The following DNAH12 variants were observed in gnomAD, a reference collection of about 807,000 sequenced individuals.
DNAH12 encodes dynein axonemal heavy chain 12, also known as axonemal beta dynein heavy chain 12.
Under a neutral mutation model 371.5 loss-of-function variants are expected in DNAH12, and 285 were observed. The observed-to-expected ratio is 0.77, with a 90% CI of 0.70 to 0.85. The LOEUF (loss-of-function observed/expected upper bound fraction) is 0.85, where lower values mean the gene tolerates loss of function less well. Ranked by LOEUF, DNAH12 falls within the 40% of genes least tolerant of loss-of-function variation. The probability of loss-of-function intolerance (pLI) is 0.00; values close to 1 mark genes in which losing one functional copy is unlikely to be tolerated. For missense variants in DNAH12, 3,611 were observed against 3,689.4 expected (o/e 0.98, Z 0.55); for synonymous variants, 1,200 against 1,213.0 (o/e 0.99, Z 0.22).
At chr3:57,325,329 G>C (rs1332888080) in intron 62 of DNAH12, among the ~76,000 whole-genome samples, 2 of 152,206 alleles carry the variant, frequency 1.3e-5, no homozygotes, top group African/African-American at 4.8e-5. Context: ...CCCCAAGTAG[G>C]GGCAAACTGA....
intron 58 of DNAH12, among the ~76,000 whole-genome samples, chr3:57,358,997 T>C (rs1014038784): frequency 6.6e-6 from 1 of 152,010 alleles, no homozygotes; most frequent in Non-Finnish European, 1.5e-5. Flanking sequence ...TTGGTCAGGC[T>C]AGTCTCGAAC....
chr3:57,457,693 G>C, intron 22 of DNAH12, 28 bp downstream of exon 22: 1 of 1,534,592 alleles, frequency 6.5e-7, no homozygotes, highest in Non-Finnish European at 8.8e-7. Context: ...CAGAATATAG[G>C]GTATATATCA....
chr3:57,495,160 C>A (rs944919802), intron 11 of DNAH12, among the ~76,000 whole-genome samples: 1 of 152,148 alleles, frequency 6.6e-6, no homozygotes, highest in Non-Finnish European at 1.5e-5. Flanking sequence ...ATAAATTATA[C>A]TTTTTCAGTA....
intron 13 of DNAH12, among the ~76,000 whole-genome samples, chr3:57,481,557 T>C (rs1477532662): frequency 1.3e-5 from 2 of 152,030 alleles, no homozygotes; most frequent in Non-Finnish European, 2.9e-5. Flanking sequence ...CTTCACAGAA[T>C]TGGAAAAAAC....
intron 42 of DNAH12, among the ~76,000 whole-genome samples, chr3:57,404,725 AAAG>A (rs2063973133): frequency 6.6e-6 from 1 of 152,226 alleles, no homozygotes; most frequent in Non-Finnish European, 1.5e-5. Flanking sequence ...GTCTCAAAAA[AAAG>A]AAAAAGAAAA....
intron 55 of DNAH12, among the ~76,000 whole-genome samples, chr3:57,372,906 AG>A (rs2063205201): frequency 6.6e-6 from 1 of 152,238 alleles, no homozygotes; most frequent in African/African-American, 2.4e-5. Flanking sequence ...AAAAATAGAA[AG>A]AAAAAGTCAT....
At chr3:57,530,093 G>A (rs950411802) in intron 2 of DNAH12, among the ~76,000 whole-genome samples, 5 of 152,060 alleles carry the variant, frequency 3.3e-5, no homozygotes, top group Admixed American at 6.5e-5. Flanking sequence ...TGTGGTCAGA[G>A]AAGGTGCTTG....
chr3:57,479,231 C>T (rs1195266587), intron 13 of DNAH12, among the ~76,000 whole-genome samples: 1 of 151,918 alleles, frequency 6.6e-6, no homozygotes, highest in Non-Finnish European at 1.5e-5. Context: ...GGATGATCTA[C>T]CAAGCAAATG....
intron 13 of DNAH12, 124 bp downstream of exon 13, chr3:57,483,252 G>A (rs1575665876): frequency 1.8e-6 from 2 of 1,136,540 alleles, no homozygotes; most frequent in Non-Finnish European, 2.5e-6. Context: ...CTTGGCCTAG[G>A]TGGTGGCAAT....
intron 69 of DNAH12, among the ~76,000 whole-genome samples, chr3:57,306,854 C>G (rs1192439486): frequency 2.0e-5 from 3 of 152,078 alleles, no homozygotes; most frequent in Admixed American, 6.6e-5. Flanking sequence ...TTTGCCTATC[C>G]ACCCCGTGGT....
chr3:57,516,053 C>CTTTTT (rs11395278), intron 4 of DNAH12, among the ~76,000 whole-genome samples: 971 of 72,012 alleles, frequency 0.013, 18 homozygotes, highest in Middle Eastern at 0.019. Context: ...ACTGCTTAGT[C>CTTTTT]TTTTTTTTTT....
chr3:57,552,833 T>C, the DNAH12 span, among the ~76,000 whole-genome samples: 4 of 152,184 alleles, frequency 2.6e-5, no homozygotes, highest in Non-Finnish European at 5.9e-5. Context: ...TGAACTATTA[T>C]GTTGCCACTG....
intron 60 of DNAH12, among the ~76,000 whole-genome samples, chr3:57,340,070 C>CAAA (rs113037670): frequency 7.8e-6 from 1 of 128,796 alleles, no homozygotes; most frequent in African/African-American, 2.8e-5. Flanking sequence ...CACCCTGTTT[C>CAAA]AAAAAAAAAA....
At chr3:57,479,404 C>T (rs2066655547) in intron 13 of DNAH12, among the ~76,000 whole-genome samples, 1 of 152,154 alleles carries the variant, frequency 6.6e-6, no homozygotes, top group South Asian at 2.1e-4. Context: ...AATACAGGAG[C>T]ACCCAGATTC....
At chr3:57,320,992 C>T (rs994553260) in intron 65 of DNAH12, among the ~76,000 whole-genome samples, 4 of 152,184 alleles carry the variant, frequency 2.6e-5, no homozygotes, top group South Asian at 2.1e-4. Flanking sequence ...CCAATACTTA[C>T]GGTGCCAGCG....
In DNAH12 at chr3:57,480,766, T is replaced by A. The variant is rs147318719; in HGVS notation, c.1650+2610A>T. On this transcript the variant is annotated intron_variant, in intron 13 of 73. Coordinates refer to ENST00000495027, the MANE Select transcript of DNAH12 (RefSeq NM_001366028.2). ...CCTAGGATGCAAGGCTGGTTCAACA[T>A]ACGCAAATCAATAAATGTCATCCAG... is the stretch of plus-strand genomic sequence containing the variant. Among the ~76,000 whole-genome samples the A allele has an allele frequency of 1.1e-3, 174 of 152,294 alleles. No individual in the cohort carries two copies. The East Asian group carries it at 0.028, about 25-fold the overall frequency.
intron 4 of DNAH12, chr3:57,519,989 C>T: frequency 2.5e-6 from 2 of 805,090 alleles, no homozygotes; most frequent in Non-Finnish European, 4.3e-6. Flanking sequence ...TAGGGTTCCT[C>T]GCCGTCTTCC....
chr3:57,309,395 G>A, intron 68 of DNAH12, 141 bp from the exon 69 acceptor site: 2 of 727,716 alleles, frequency 2.7e-6, no homozygotes, highest in South Asian at 2.2e-5. Flanking sequence ...TAAGTCCTAT[G>A]TACCTTAGCT....
chr3:57,501,733 G>A (rs926277724), intron 10 of DNAH12, among the ~76,000 whole-genome samples: 1 of 152,132 alleles, frequency 6.6e-6, no homozygotes, highest in Non-Finnish European at 1.5e-5. Context: ...ACACACTTGA[G>A]AAGACTACAG....
Sources: gnomAD v4.1 joint callset for allele counts (sites outside exome capture counted in the v4.1 genomes callset) on GRCh38, gnomAD v4.1.1 for gene constraint, MANE v1.5 for transcripts, NCBI Gene and HGNC (gene_info 2026-07-23, HGNC 2026-07-21) for gene names.